The following THSD7B variants were observed in gnomAD, a reference collection of about 807,000 sequenced individuals.
THSD7B encodes the protein thrombospondin type 1 domain containing 7B, also known as thrombospondin type-1 domain-containing protein 7B.
A neutral mutation model predicts 213.6 loss-of-function variants in THSD7B; 138 were observed. The ratio of observed to expected loss-of-function variants is 0.65; its 90% CI spans 0.56 to 0.74. The LOEUF (loss-of-function observed/expected upper bound fraction) is 0.74, where lower values mean the gene tolerates loss of function less well. Ranked by LOEUF, THSD7B falls within the 30% of genes least tolerant of loss-of-function variation. The pLI, the probability that THSD7B is intolerant of heterozygous loss-of-function variation, is 0.00. For missense variants in THSD7B, 1,931 were observed against 1,991.5 expected (o/e 0.97, Z 0.58); for synonymous variants, 742 against 687.0 (o/e 1.08, Z -1.25).
At chr2:137,549,483 A>G (rs1282206760) in intron 15 of THSD7B, among the ~76,000 whole-genome samples, 3 of 151,992 alleles carry the variant, frequency 2.0e-5, no homozygotes, top group Non-Finnish European at 4.4e-5. Flanking sequence ...ATAGGTTTCC[A>G]TGGTGCAATC....
intron 17 of THSD7B, among the ~76,000 whole-genome samples, chr2:137,602,968 A>G (rs1260695074): frequency 1.3e-5 from 2 of 152,090 alleles, no homozygotes; most frequent in African/African-American, 4.8e-5. Context: ...ATCACATCCC[A>G]GAGTCTGACT....
At chr2:136,867,721 C>T (rs1683366573) in intron 1 of THSD7B, among the ~76,000 whole-genome samples, 1 of 152,142 alleles carries the variant, frequency 6.6e-6, no homozygotes, top group African/African-American at 2.4e-5. Flanking sequence ...CATTATAATC[C>T]ACTTATCTAA....
intron 2 of THSD7B, among the ~76,000 whole-genome samples, chr2:136,930,954 C>T (rs1182466221): frequency 6.6e-6 from 1 of 152,120 alleles, no homozygotes; most frequent in East Asian, 1.9e-4. Context: ...CAGTCATTGT[C>T]TAACAATGAC....
At chr2:136,933,724 C>A (rs1573718873) in intron 2 of THSD7B, among the ~76,000 whole-genome samples, 1 of 152,000 alleles carries the variant, frequency 6.6e-6, no homozygotes, top group Non-Finnish European at 1.5e-5. Flanking sequence ...TGTTCCCTGT[C>A]CCCCCATCCT....
intron 7 of THSD7B, among the ~76,000 whole-genome samples, chr2:137,224,662 C>CTAT (rs1442847692): frequency 6.6e-6 from 1 of 152,074 alleles, no homozygotes; most frequent in African/African-American, 2.4e-5. Flanking sequence ...TTGTTAGCTA[C>CTAT]TATTATTATT....
chr2:137,329,151 A>G (rs548003563), intron 12 of THSD7B, among the ~76,000 whole-genome samples: 21 of 152,298 alleles, frequency 1.4e-4, no homozygotes, highest in Non-Finnish European at 2.4e-4. Context: ...AATTTCCTAG[A>G]GACTTGTTGA....
chr2:136,791,566 G>A (rs1681965045), intron 1 of THSD7B, among the ~76,000 whole-genome samples: 1 of 150,446 alleles, frequency 6.6e-6, no homozygotes, highest in South Asian at 2.1e-4. Flanking sequence ...CCCATCCGAG[G>A]CAACCCTAAT....
At chr2:137,436,661 C>G (rs771392341) in intron 14 of THSD7B, among the ~76,000 whole-genome samples, 2 of 152,034 alleles carry the variant, frequency 1.3e-5, no homozygotes, top group Non-Finnish European at 2.9e-5. Flanking sequence ...TTACAACAGC[C>G]TCTTGTGCCA....
At chr2:137,024,196 G>A (rs1686500885) in intron 2 of THSD7B, among the ~76,000 whole-genome samples, 2 of 152,066 alleles carry the variant, frequency 1.3e-5, no homozygotes, top group South Asian at 4.1e-4. Flanking sequence ...ATTCCTGGAC[G>A]CGATCTGTCA....
chr2:136,805,995 G>T (rs565782969), intron 1 of THSD7B, among the ~76,000 whole-genome samples: 1 of 152,222 alleles, frequency 6.6e-6, no homozygotes, highest in East Asian at 1.9e-4. Context: ...ATGTGTTTCT[G>T]CAGGGACCTT....
chr2:137,272,109 G>T (rs1214665588), intron 10 of THSD7B, among the ~76,000 whole-genome samples: 1 of 151,884 alleles, frequency 6.6e-6, no homozygotes, highest in Non-Finnish European at 1.5e-5. Flanking sequence ...ATTATTATAG[G>T]TGTGTTTTGT....
chr2:136,871,144 G>A (rs1683425547), intron 1 of THSD7B, among the ~76,000 whole-genome samples: 1 of 152,138 alleles, frequency 6.6e-6, no homozygotes, highest in African/African-American at 2.4e-5. Context: ...CCGGTCTGTG[G>A]GCTCTGTAGG....
intron 2 of THSD7B, among the ~76,000 whole-genome samples, chr2:136,884,150 T>C (rs2104993323): frequency 6.6e-6 from 1 of 152,282 alleles, no homozygotes; most frequent in South Asian, 2.1e-4. Context: ...CATATAGTTA[T>C]TAATTAGGTT....
At chr2:137,446,349 T>G (rs550467080) in intron 14 of THSD7B, among the ~76,000 whole-genome samples, 166 of 152,176 alleles carry the variant, frequency 1.1e-3, no homozygotes, top group African/African-American at 3.8e-3. Flanking sequence ...CATACATCCG[T>G]TATGCTAACT....
At chr2:137,164,000 A>G (rs985242676) in intron 6 of THSD7B, among the ~76,000 whole-genome samples, 1 of 152,182 alleles carries the variant, frequency 6.6e-6, no homozygotes, top group African/African-American at 2.4e-5. Flanking sequence ...CAGTTCTGAG[A>G]AGAGAAGCCA....
At chr2:137,315,302 C>T (rs533025895) in intron 12 of THSD7B, among the ~76,000 whole-genome samples, 5 of 152,108 alleles carry the variant, frequency 3.3e-5, no homozygotes, top group Non-Finnish European at 7.4e-5. Context: ...TTCTTTGACT[C>T]GGAAAGGGAA....
chr2:136,789,511 C>A (rs140234672), intron 1 of THSD7B, among the ~76,000 whole-genome samples: 1,868 of 152,074 alleles, frequency 0.012, 19 homozygotes, highest in Admixed American at 0.02. Context: ...TCTTTTCTAG[C>A]TATTTTGAAA....
chr2:137,090,181 C>T (rs2104913693), intron 3 of THSD7B, among the ~76,000 whole-genome samples: 1 of 151,748 alleles, frequency 6.6e-6, no homozygotes, highest in Admixed American at 6.6e-5. Flanking sequence ...AAGTATAAAA[C>T]ATTTATACTT....
intron 7 of THSD7B, among the ~76,000 whole-genome samples, chr2:137,214,608 G>T (rs987333392): frequency 5.9e-5 from 9 of 151,600 alleles, no homozygotes; most frequent in Non-Finnish European, 1.3e-4. Context: ...ACAGGCCCCG[G>T]TGTGTGATGT....
Sources: gnomAD v4.1 joint callset for allele counts (sites outside exome capture counted in the v4.1 genomes callset) on GRCh38, gnomAD v4.1.1 for gene constraint, MANE v1.5 for transcripts, NCBI Gene and HGNC (gene_info 2026-07-23, HGNC 2026-07-21) for gene names.